STPG2: variants seen among roughly 807,000 people sequenced by gnomAD.
STPG2 encodes sperm tail PG-rich repeat containing 2.
In STPG2, 56 loss-of-function variants were observed where a neutral mutation model predicts 54.2. The observed-to-expected ratio is 1.03, with a 90% CI of 0.83 to 1.29. The LOEUF (loss-of-function observed/expected upper bound fraction) is 1.29, where lower values mean the gene tolerates loss of function less well. Among genes scored for constraint, STPG2 ranks in the 50% most tolerant of loss-of-function variants. The pLI, the probability that STPG2 is intolerant of heterozygous loss-of-function variation, is 0.00. For missense variants in STPG2, 596 were observed against 544.9 expected (o/e 1.09, Z -0.93); for synonymous variants, 200 against 181.8 (o/e 1.10, Z -0.81).
intron 9 of STPG2, among the ~76,000 whole-genome samples, chr4:97,736,769 C>A (rs1230791780): frequency 6.6e-6 from 1 of 152,222 alleles, no homozygotes; most frequent in Non-Finnish European, 1.5e-5. Context: ...GTAGGCTCCA[C>A]TTCTGGGGCA....
intron 4 of STPG2, among the ~76,000 whole-genome samples, chr4:97,486,935 C>T (rs755268623): frequency 4.7e-5 from 7 of 149,782 alleles, no homozygotes; most frequent in Admixed American, 1.3e-4. Flanking sequence ...AATGAATTAA[C>T]GCATTTTCTG....
chr4:97,603,295 C>G (rs1318167429), intron 10 of STPG2, among the ~76,000 whole-genome samples: 1 of 151,212 alleles, frequency 6.6e-6, no homozygotes, highest in Non-Finnish European at 1.5e-5. Context: ...TGGCTACTAT[C>G]AAAAAAATAG....
intron 9 of STPG2, among the ~76,000 whole-genome samples, chr4:97,807,621 T>TG (rs996900436): frequency 1.1e-4 from 16 of 150,742 alleles, no homozygotes; most frequent in Admixed American, 2.0e-4. Context: ...AAATGAAACA[T>TG]GGGGGAACAA....
At chr4:97,944,156 A>T (rs575170150) in intron 7 of STPG2, 149 bp from the exon 8 acceptor site, 1 of 579,614 alleles carries the variant, frequency 1.7e-6, no homozygotes, top group Non-Finnish European at 3.0e-6. Context: ...TTTTCAAAAT[A>T]TGACACAGAA....
At chr4:97,864,060 C>T (rs567346607) in intron 8 of STPG2, among the ~76,000 whole-genome samples, 104 of 152,248 alleles carry the variant, frequency 6.8e-4, no homozygotes, top group African/African-American at 2.4e-3. Flanking sequence ...CCCTCTCTCA[C>T]CACTCCTATT....
intron 9 of STPG2, among the ~76,000 whole-genome samples, chr4:97,737,730 T>A (rs995970183): frequency 2.2e-4 from 34 of 152,308 alleles, no homozygotes; most frequent in African/African-American, 7.5e-4. Flanking sequence ...CATATCTACG[T>A]CTCATCGGTG....
chr4:97,985,199 A>C (rs1181214683), intron 5 of STPG2, among the ~76,000 whole-genome samples: 1 of 152,202 alleles, frequency 6.6e-6, no homozygotes, highest in Non-Finnish European at 1.5e-5. Flanking sequence ...GCTAAGTATA[A>C]TGTTTATAAA....
At chr4:98,104,017 CAT>C (rs1739121207) in intron 5 of STPG2, among the ~76,000 whole-genome samples, 2 of 152,166 alleles carry the variant, frequency 1.3e-5, no homozygotes, top group African/African-American at 4.8e-5. Context: ...ATTATCTGCT[CAT>C]CATAATGAGT....
At chr4:97,845,420 A>C (rs1033949451) in intron 8 of STPG2, among the ~76,000 whole-genome samples, 3 of 152,156 alleles carry the variant, frequency 2.0e-5, no homozygotes, top group African/African-American at 7.2e-5. Flanking sequence ...GATAGAATAG[A>C]TCTATCTAAA....
intron 9 of STPG2, among the ~76,000 whole-genome samples, chr4:97,714,326 C>T (rs1386986652): frequency 1.3e-5 from 2 of 152,108 alleles, no homozygotes; most frequent in Admixed American, 6.6e-5. Flanking sequence ...CAAAGAAGGA[C>T]ATCTAGGCTC....
At chr4:97,862,705 T>A (rs1037290819) in intron 8 of STPG2, among the ~76,000 whole-genome samples, 1 of 152,118 alleles carries the variant, frequency 6.6e-6, no homozygotes, top group African/African-American at 2.4e-5. Context: ...AGTAAAGCAC[T>A]CCTCAGCAAA....
At chr4:97,980,243 A>G (rs1350536377) in intron 6 of STPG2, among the ~76,000 whole-genome samples, 1 of 152,168 alleles carries the variant, frequency 6.6e-6, no homozygotes, top group Admixed American at 6.5e-5. Flanking sequence ...TAATTACATG[A>G]AACTTTTGGG....
At chr4:98,114,765 TTG>T (rs1201249521) in intron 3 of STPG2, among the ~76,000 whole-genome samples, 96 of 148,878 alleles carry the variant, frequency 6.4e-4, no homozygotes, top group Non-Finnish European at 9.6e-4. Flanking sequence ...TTTTTTTTTT[TTG>T]TGTGTGTGTG....
chr4:97,446,472 G>A (rs1235388042), intron 4 of STPG2, among the ~76,000 whole-genome samples: 1 of 152,136 alleles, frequency 6.6e-6, no homozygotes, highest in African/African-American at 2.4e-5. Flanking sequence ...TTAACTTATG[G>A]ATTATAAAAA....
chr4:97,736,083 T>A (rs571119335), intron 9 of STPG2, among the ~76,000 whole-genome samples: 33 of 152,274 alleles, frequency 2.2e-4, no homozygotes, highest in African/African-American at 7.7e-4. Flanking sequence ...CCTTATACAC[T>A]GTTGGTGGAA....
At chr4:97,610,776 G>A (rs533461006) in intron 10 of STPG2, among the ~76,000 whole-genome samples, 2 of 152,070 alleles carry the variant, frequency 1.3e-5, no homozygotes, top group East Asian at 3.9e-4. Context: ...TATACTTGAT[G>A]ACTGGCAAAT....
At position 97,457,086 on chromosome 4, in the gene STPG2, C is replaced by G. The variant is rs146931828; in HGVS notation, c.462+255613G>C. ...CCTACTGATCCGAATGATCAAAAAG[C>G]AAAACATTGATAATACCAAATAGTG... On this transcript the variant is annotated intron_variant, in intron 4 of 4. Coordinates refer to the STPG2 transcript ENST00000522676. Among the ~76,000 whole-genome samples the G allele has an allele frequency of 1.8e-3, 278 of 152,082 alleles. 1 individual carries two copies. The highest frequency in any genetic ancestry group is 6.4e-3 in the African/African-American group (266 of 41,468).
intron 10 of STPG2, among the ~76,000 whole-genome samples, chr4:97,690,506 A>G (rs192219360): frequency 1.3e-5 from 2 of 152,212 alleles, no homozygotes; most frequent in East Asian, 1.9e-4. Context: ...TTCCTGATGT[A>G]TAATGATTAT....
chr4:97,907,226 GACAA>G (rs1279648501), intron 8 of STPG2, among the ~76,000 whole-genome samples: 2 of 150,156 alleles, frequency 1.3e-5, no homozygotes, highest in East Asian at 2.0e-4. Flanking sequence ...ACCAACAACA[GACAA>G]ACAGAGAGCC....
Sources: gnomAD v4.1 joint callset for allele counts (sites outside exome capture counted in the v4.1 genomes callset) on GRCh38, gnomAD v4.1.1 for gene constraint, MANE v1.5 for transcripts, NCBI Gene and HGNC (gene_info 2026-07-23, HGNC 2026-07-21) for gene names.